CEP63: variants seen among roughly 807,000 people sequenced by gnomAD.
CEP63 encodes the protein centrosomal protein of 63 kDa.
CEP63 carries 84 observed loss-of-function variants against 89.1 expected under a neutral mutation model. That is an observed-to-expected ratio of 0.94 (90% CI 0.79 to 1.13). The LOEUF (loss-of-function observed/expected upper bound fraction) is 1.13, where lower values mean the gene tolerates loss of function less well. CEP63 is among the 50% of genes most tolerant of loss of function. The probability of loss-of-function intolerance (pLI) is 0.00; values close to 1 mark genes in which losing one functional copy is unlikely to be tolerated. For missense variants in CEP63, 838 were observed against 813.3 expected, an observed-to-expected ratio of 1.03 and a Z score of -0.37; for synonymous variants, 267 against 272.5, an observed-to-expected ratio of 0.98 and a Z score of 0.20.
intron 11 of CEP63, among the ~76,000 whole-genome samples, chr3:134,550,724 C>T (rs141341305): frequency 3.8e-4 from 58 of 152,228 alleles, no homozygotes; most frequent in African/African-American, 1.3e-3. Flanking sequence ...TGAAGGGCTA[C>T]GTTAGCCACG....
At chr3:134,656,007 A>G in the CEP63 span, among the ~76,000 whole-genome samples, 1 of 152,140 alleles carries the variant, frequency 6.6e-6, no homozygotes, top group Admixed American at 6.6e-5. Context: ...GTTCCATACC[A>G]TTCTGGGGTG....
chr3:134,772,329 T>G, the CEP63 span, among the ~76,000 whole-genome samples: 28 of 152,290 alleles, frequency 1.8e-4, no homozygotes, highest in African/African-American at 6.0e-4. Flanking sequence ...CCCTCTCTGT[T>G]CAAGGCAGCA....
the CEP63 span, among the ~76,000 whole-genome samples, chr3:134,667,469 G>A: frequency 1.1e-4 from 17 of 152,192 alleles, no homozygotes; most frequent in African/African-American, 3.1e-4. Flanking sequence ...CACCTGGGTT[G>A]TTTCCAGAAA....
Position 134,562,011 on chromosome 3 carries a change from C to A in CEP63, c.*476C>A. 9.9e-7 allele frequency: 1 copy of A among 1,011,830 alleles called. No homozygotes were observed. Among genetic ancestry groups the A allele is most frequent in the Non-Finnish European group, 1.2e-6 (1 of 845,904 alleles). 62.7% of individuals were successfully genotyped at this position (1,011,830 alleles called of 1,614,324 possible). A position where few individuals can be genotyped will look rare whatever the true frequency, so the allele number is the denominator to read the frequency against. ...GGCTTGTTATTTACTGGGCTGGTAG[C>A]CCCTCCTAGCCAAGGGGCTGGTAGT... is the stretch of plus-strand genomic sequence containing the variant. On this transcript the variant is annotated 3_prime_UTR_variant, in exon 15 of 15. Transcript: ENST00000675561.
the CEP63 span, among the ~76,000 whole-genome samples, chr3:134,632,073 CT>C: frequency 5.3e-5 from 8 of 151,890 alleles, no homozygotes; most frequent in African/African-American, 1.4e-4. Flanking sequence ...ACATAACAAC[CT>C]TCAATAGGCA....
chr3:134,777,608 A>ATTTTTTTTTTTTTTT, the CEP63 span, among the ~76,000 whole-genome samples: 21 of 100,186 alleles, frequency 2.1e-4, no homozygotes, highest in African/African-American at 8.4e-4. Context: ...AAAGAATAGA[A>ATTTTTTTTTTTTTTT]TTTTTTTTTT....
chr3:134,743,165 G>A, the CEP63 span, among the ~76,000 whole-genome samples: 1 of 152,150 alleles, frequency 6.6e-6, no homozygotes. Flanking sequence ...AGCCTTGAGG[G>A]ACCAGCTTGC....
the CEP63 span, among the ~76,000 whole-genome samples, chr3:134,766,027 T>C: frequency 2.0e-5 from 3 of 152,190 alleles, no homozygotes; most frequent in Admixed American, 6.5e-5. Context: ...GCCTGACTCC[T>C]CATGATTTCC....
the CEP63 span, among the ~76,000 whole-genome samples, chr3:134,666,641 C>G: frequency 2.0e-5 from 3 of 152,160 alleles, no homozygotes; most frequent in Non-Finnish European, 2.9e-5. Context: ...TCATCAACCC[C>G]TGGAAGGGCA....
At chr3:134,610,634 T>A in the CEP63 span, 1 of 453,006 alleles carries the variant, frequency 2.2e-6, no homozygotes. Flanking sequence ...GCTCCTCCCC[T>A]GAGACCAACA....
the CEP63 span, among the ~76,000 whole-genome samples, chr3:134,779,483 A>C: frequency 6.6e-6 from 1 of 152,218 alleles, no homozygotes; most frequent in African/African-American, 2.4e-5. Context: ...AGGTATTCCC[A>C]GCCGTGAAAT....
chr3:134,579,640 A>G (rs550507399), downstream of CEP63, among the ~76,000 whole-genome samples: 2 of 152,324 alleles, frequency 1.3e-5, no homozygotes, highest in African/African-American at 4.8e-5. Flanking sequence ...GTTTATTTTC[A>G]TATTATGAAA....
chr3:134,650,863 T>C, the CEP63 span: 2 of 1,609,842 alleles, frequency 1.2e-6, no homozygotes, highest in Non-Finnish European at 8.5e-7. Context: ...GTTCGCCTGC[T>C]GGTCTGAGAG....
intron 3 of CEP63, among the ~76,000 whole-genome samples, chr3:134,523,677 T>G (rs145231681): frequency 6.6e-6 from 1 of 152,178 alleles, no homozygotes; most frequent in Admixed American, 6.5e-5. Context: ...TTTGTCAGTT[T>G]TGTTGAAGAT....
At chr3:134,561,310 G>T in intron 14 of CEP63, 67 bp from the exon 15 acceptor site, 2 of 1,425,848 alleles carry the variant, frequency 1.4e-6, no homozygotes, top group Admixed American at 3.3e-5. Context: ...AAAATGTCAT[G>T]AACAGTGTAT....
chr3:134,486,222 G>C lies in CEP63; in HGVS notation c.-26+20G>C, dbSNP rs1025782670. 3 of 985,558 alleles carry C rather than the reference G, an allele frequency of 3.0e-6. No individual in the cohort carries two copies. The African/African-American group carries it at 5.2e-5, about 17-fold the overall frequency. 61.1% of individuals were successfully genotyped at this position (985,558 alleles called of 1,614,324 possible). On this transcript the variant is annotated intron_variant, in intron 1 of 14. Coordinates refer to ENST00000675561, the MANE Select transcript of CEP63 (RefSeq NM_001353108.3). ...CCCGAGGTAACGGCGGGAAGGCTCA[G>C]GGGCGTGCTTGCGGCAACCCTGTAA...
intron 1 of CEP63, among the ~76,000 whole-genome samples, chr3:134,489,023 C>T (rs1407047542): frequency 1.3e-5 from 2 of 151,762 alleles, no homozygotes; most frequent in African/African-American, 2.4e-5. Context: ...GGCGTGGTGG[C>T]ATGCGCCTGT....
chr3:134,527,992 C>T (rs1215493725), intron 3 of CEP63, among the ~76,000 whole-genome samples: 1 of 152,182 alleles, frequency 6.6e-6, no homozygotes, highest in East Asian at 1.9e-4. Flanking sequence ...CTCTGGGCTC[C>T]ATATCAGCTG....
chr3:134,486,689 G>T (rs1024201890), intron 1 of CEP63: 1 of 279,036 alleles, frequency 3.6e-6, no homozygotes, highest in Non-Finnish European at 5.4e-6. Context: ...CTTCATTCAC[G>T]GCACAAGGGG....
Sources: allele counts gnomAD v4.1 joint callset (sites outside exome capture counted in the v4.1 genomes callset), GRCh38; gene constraint gnomAD v4.1.1; transcripts MANE v1.5; gene names NCBI Gene and HGNC (gene_info 2026-07-23, HGNC 2026-07-21).